The following BBOX1 variants were observed in gnomAD, a reference collection of about 807,000 sequenced individuals.
BBOX1 encodes gamma-butyrobetaine dioxygenase.
A neutral mutation model predicts 41.6 loss-of-function variants in BBOX1; 35 were observed. That is an observed-to-expected ratio of 0.84 (90% CI 0.64 to 1.11). BBOX1 has a LOEUF of 1.11. Ranked by LOEUF, BBOX1 falls within the 50% of genes most tolerant of loss-of-function variation. BBOX1 has a pLI of 0.00. For synonymous variants in BBOX1, 163 were observed against 154.7 expected (o/e 1.05, Z -0.40); for missense variants, 458 against 460.6 (o/e 0.99, Z 0.05).
At chr11:27,081,065 T>G (rs999235535) in intron 4 of BBOX1, among the ~76,000 whole-genome samples, 2 of 152,190 alleles carry the variant, frequency 1.3e-5, no homozygotes, top group South Asian at 4.1e-4. Flanking sequence ...ATGTTGGAAC[T>G]AGGATTTGAA....
At chr11:27,047,228 C>T (rs1851512244) in intron 2 of BBOX1, 1 of 152,190 alleles carries the variant, frequency 6.6e-6, no homozygotes, top group Non-Finnish European at 1.5e-5. Context: ...TTCCTCAGGA[C>T]ATCCATTTGG....
chr11:27,045,954 A>G (rs56094188), intron 2 of BBOX1, among the ~76,000 whole-genome samples: 3,229 of 152,242 alleles, frequency 0.021, 51 homozygotes, highest in Non-Finnish European at 0.034. Flanking sequence ...AACTTTTGCA[A>G]TTTCTTTTAT....
chr11:27,111,088 T>C (rs1486570586), intron 5 of BBOX1, among the ~76,000 whole-genome samples: 1 of 151,920 alleles, frequency 6.6e-6, no homozygotes, highest in Non-Finnish European at 1.5e-5. Flanking sequence ...AGCTAAGGTA[T>C]TTTTAATTTA....
intron 5 of BBOX1, among the ~76,000 whole-genome samples, chr11:27,097,538 T>C (rs1169012859): frequency 6.6e-6 from 1 of 152,070 alleles, no homozygotes; most frequent in Non-Finnish European, 1.5e-5. Flanking sequence ...TTCTACTTTA[T>C]GAAAAAGTAC....
In BBOX1 at chr11:27,055,765, C is replaced by T. The variant is rs899652957; in HGVS notation, c.219+116C>T. ...CACGCATATATAACCGCATATGAAC[C>T]CACGTTTGTATAGTACTTGGTGCGA... On this transcript the variant is annotated intron_variant, in intron 3 of 8. Coordinates refer to ENST00000263182, the MANE Select transcript of BBOX1 (RefSeq NM_003986.3). The T allele has an allele frequency of 4.5e-6, 4 of 891,004 alleles. No individual in the cohort carries two copies. The East Asian group carries it at 1.1e-4, about 24-fold the overall frequency. The allele number at this position is 891,004 out of a possible 1,614,324, so 55.2% of individuals were successfully genotyped here. A position where few individuals can be genotyped will look rare whatever the true frequency, so the allele number is the denominator to read the frequency against.
chr11:27,123,102 A>T (rs959684894), intron 7 of BBOX1, among the ~76,000 whole-genome samples: 1 of 152,084 alleles, frequency 6.6e-6, no homozygotes, highest in African/African-American at 2.4e-5. Flanking sequence ...TATATCTTAC[A>T]ACAAAATTTG....
intron 4 of BBOX1, 26 bp from the exon 5 acceptor site, chr11:27,093,142 G>T (rs772497358): frequency 3.1e-6 from 5 of 1,599,756 alleles, no homozygotes; most frequent in African/African-American, 1.3e-5. Context: ...AATCCCATCT[G>T]ATTTCTTCAT....
At chr11:27,111,034 A>T (rs74623031) in intron 5 of BBOX1, among the ~76,000 whole-genome samples, 5,747 of 151,784 alleles carry the variant, frequency 0.038, 353 homozygotes, top group African/African-American at 0.13. Context: ...CAGAGTTGCA[A>T]GTAACCTTAG....
intron 4 of BBOX1, among the ~76,000 whole-genome samples, chr11:27,089,186 T>A (rs930207964): frequency 6.2e-5 from 1 of 16,240 alleles, no homozygotes; most frequent in Non-Finnish European, 1.1e-4. Flanking sequence ...GGCTATTTAT[T>A]TAAATTAATT....
In BBOX1 at chr11:27,062,515, A is replaced by G. The variant is rs77212179; in HGVS notation, c.334+5200A>G. ...TCTTTCTGATTTTAATCAAATGAAC[A>G]TAACTTCTCAAATGCCTACAAGTTT... On this transcript the variant is annotated intron_variant, in intron 4 of 8. Transcript: ENST00000263182. 8.9e-4 allele frequency among the ~76,000 whole-genome samples: 135 copies of G among 151,844 alleles called. 2 individuals are homozygous for G. The highest frequency in any genetic ancestry group is 3.2e-3 in the African/African-American group (133 of 41,448).
At chr11:27,071,226 C>CA (rs1417175995) in intron 4 of BBOX1, among the ~76,000 whole-genome samples, 11 of 151,726 alleles carry the variant, frequency 7.2e-5, no homozygotes, top group South Asian at 2.1e-4. Context: ...AAAAAAAATG[C>CA]AAAAAATTAG....
At chr11:27,081,416 T>C (rs1008558831) in intron 4 of BBOX1, among the ~76,000 whole-genome samples, 6 of 152,180 alleles carry the variant, frequency 3.9e-5, no homozygotes, top group African/African-American at 1.2e-4. Context: ...TAGTATTCTA[T>C]AGTGCATATG....
intron 5 of BBOX1, among the ~76,000 whole-genome samples, chr11:27,109,407 G>C (rs1858977052): frequency 6.6e-6 from 1 of 151,988 alleles, no homozygotes; most frequent in South Asian, 2.1e-4. Flanking sequence ...AGATTATATA[G>C]TTATGAATTA....
intron 5 of BBOX1, among the ~76,000 whole-genome samples, chr11:27,102,264 G>A (rs1010340384): frequency 7.2e-5 from 11 of 152,166 alleles, no homozygotes; most frequent in African/African-American, 2.6e-4. Context: ...TAGGAAAGCT[G>A]TTACATTTGG....
intron 4 of BBOX1, among the ~76,000 whole-genome samples, chr11:27,073,012 G>A (rs182213471): frequency 1.3e-5 from 2 of 151,998 alleles, no homozygotes; most frequent in South Asian, 2.1e-4. Context: ...GGGCAAGGAC[G>A]TCATGTCTAA....
At chr11:27,072,145 A>G (rs1857474253) in intron 4 of BBOX1, among the ~76,000 whole-genome samples, 1 of 152,210 alleles carries the variant, frequency 6.6e-6, no homozygotes, top group South Asian at 2.1e-4. Flanking sequence ...CTGTTTGCAG[A>G]TGACATGATT....
At chr11:27,077,711 C>T (rs143452648) in intron 4 of BBOX1, among the ~76,000 whole-genome samples, 3 of 151,182 alleles carry the variant, frequency 2.0e-5, no homozygotes, top group African/African-American at 7.3e-5. Flanking sequence ...ATTAAAATTG[C>T]TTTCTCATTG....
intron 5 of BBOX1, among the ~76,000 whole-genome samples, chr11:27,101,480 G>T (rs1006669285): frequency 2.2e-4 from 34 of 152,098 alleles, no homozygotes; most frequent in African/African-American, 7.5e-4. Flanking sequence ...ATTTAATGTG[G>T]AATTCTCATT....
chr11:27,109,875 A>G (rs1192718847), intron 5 of BBOX1, among the ~76,000 whole-genome samples: 1 of 152,020 alleles, frequency 6.6e-6, no homozygotes, highest in East Asian at 1.9e-4. Flanking sequence ...AAATATCCAG[A>G]CCAAGGGTCT....
Sources: allele counts gnomAD v4.1 joint callset (sites outside exome capture counted in the v4.1 genomes callset), GRCh38; gene constraint gnomAD v4.1.1; transcripts MANE v1.5; gene names NCBI Gene and HGNC (gene_info 2026-07-23, HGNC 2026-07-21).